SCTR: variants seen among roughly 807,000 people sequenced by gnomAD.
SCTR encodes the protein secretin receptor, also known as pancreatic secretin receptor.
In SCTR, 56 loss-of-function variants were observed where a neutral mutation model predicts 60.8. The observed-to-expected ratio is 0.92, with a 90% CI of 0.74 to 1.15. The LOEUF is 1.15. SCTR is among the 50% of genes most tolerant of loss of function. SCTR has a pLI of 0.00. For missense variants in SCTR, 562 were observed against 550.4 expected (o/e 1.02, Z -0.21); for synonymous variants, 202 against 217.0 (o/e 0.93, Z 0.61).
chr2:119,498,446 A>C (rs1051205292), intron 1 of SCTR, among the ~76,000 whole-genome samples: 2 of 152,194 alleles, frequency 1.3e-5, no homozygotes, highest in Non-Finnish European at 2.9e-5. Context: ...CACAGTAAGC[A>C]AAAATGTGGG....
At chr2:119,519,810 CAA>C (rs71396064) in intron 1 of SCTR, among the ~76,000 whole-genome samples, 55 of 58,256 alleles carry the variant, frequency 9.4e-4, no homozygotes, top group Middle Eastern at 0.011. Flanking sequence ...GACTCTGTCT[CAA>C]AAAAAAAAAA....
chr2:119,505,328 G>T (rs1294476624), intron 1 of SCTR, among the ~76,000 whole-genome samples: 4 of 138,504 alleles, frequency 2.9e-5, no homozygotes, highest in African/African-American at 1.1e-4. Flanking sequence ...GTTGTGTGGT[G>T]GGGGGAGGGG....
chr2:119,478,622 C>T (rs1163718198), intron 3 of SCTR, among the ~76,000 whole-genome samples, 189 bp downstream of exon 3: 1 of 152,260 alleles, frequency 6.6e-6, no homozygotes, highest in East Asian at 1.9e-4. Context: ...CCTTGCTTGA[C>T]ACCCTCAGAA....
At chr2:119,474,567 G>C (rs1251806152) in intron 3 of SCTR, among the ~76,000 whole-genome samples, 1 of 152,172 alleles carries the variant, frequency 6.6e-6, no homozygotes, top group African/African-American at 2.4e-5. Flanking sequence ...CCTGTGGGTA[G>C]GAGCCCTGCC....
At chr2:119,492,300 A>C (rs1395372625) in intron 2 of SCTR, among the ~76,000 whole-genome samples, 1 of 152,248 alleles carries the variant, frequency 6.6e-6, no homozygotes, top group South Asian at 2.1e-4. Flanking sequence ...CCAGTGTATC[A>C]GGCTCCTGCC....
intron 1 of SCTR, among the ~76,000 whole-genome samples, chr2:119,516,478 T>C (rs1679119982): frequency 6.6e-6 from 1 of 152,094 alleles, no homozygotes; most frequent in African/African-American, 2.4e-5. Context: ...AGAAAAATAC[T>C]GCATGATCTT....
intron 11 of SCTR, among the ~76,000 whole-genome samples, chr2:119,442,904 G>A (rs778027353): frequency 2.0e-5 from 3 of 152,088 alleles, no homozygotes; most frequent in Non-Finnish European, 4.4e-5. Flanking sequence ...GACTTGGATC[G>A]GAGCACAGCT....
chr2:119,479,006 G>A, intron 2 of SCTR, 88 bp from the exon 3 acceptor site: 2 of 1,564,654 alleles, frequency 1.3e-6, no homozygotes, highest in South Asian at 1.2e-5. Context: ...ACCCTTGCCT[G>A]CCTGGAATTC....
chr2:119,459,177 A>G (rs1452928060), intron 7 of SCTR, among the ~76,000 whole-genome samples: 1 of 152,242 alleles, frequency 6.6e-6, no homozygotes, highest in Non-Finnish European at 1.5e-5. Context: ...TCCAAACAAT[A>G]GGTATGTGGT....
chr2:119,441,740 T>C (rs949382097), intron 11 of SCTR, 141 bp from the exon 12 acceptor site: 1 of 734,922 alleles, frequency 1.4e-6, no homozygotes, highest in Non-Finnish European at 2.3e-6. Flanking sequence ...CACTGGGAAT[T>C]AGGCTACCTC....
At chr2:119,450,540 AC>A (rs1683122638) in intron 9 of SCTR, among the ~76,000 whole-genome samples, 2 of 148,026 alleles carry the variant, frequency 1.4e-5, no homozygotes, top group African/African-American at 4.9e-5. Context: ...AAACAAAAAA[AC>A]AAAAAAAAAA....
chr2:119,488,645 A>G (rs1015203140), intron 2 of SCTR, among the ~76,000 whole-genome samples: 1 of 152,208 alleles, frequency 6.6e-6, no homozygotes. Flanking sequence ...ACAGGTTCGC[A>G]GAAGAGGCGC....
At chr2:119,451,989 A>G (rs747326645) in intron 9 of SCTR, 21 bp downstream of exon 9, 4 of 1,488,166 alleles carry the variant, frequency 2.7e-6, no homozygotes, top group South Asian at 2.3e-5. Context: ...ATCCCCAGCT[A>G]GGGAGAGGAG....
intron 11 of SCTR, among the ~76,000 whole-genome samples, chr2:119,442,094 C>T (rs1207915618): frequency 6.6e-6 from 1 of 152,236 alleles, no homozygotes; most frequent in Non-Finnish European, 1.5e-5. Flanking sequence ...CAGGTCCCGG[C>T]CAGCCAGTGG....
At chr2:119,462,819 A>G (rs1683670156) in intron 6 of SCTR, among the ~76,000 whole-genome samples, 1 of 152,182 alleles carries the variant, frequency 6.6e-6, no homozygotes, top group South Asian at 2.1e-4. Flanking sequence ...TTCCTGCCTT[A>G]TGGCCTTCCC....
chr2:119,512,320 TCCC>T, intron 1 of SCTR, among the ~76,000 whole-genome samples: 1 of 57,638 alleles, frequency 1.7e-5, no homozygotes, highest in Non-Finnish European at 3.2e-5. Context: ...CCCTTCCCCT[TCCC>T]CTTCCCCTTC....
At chr2:119,462,517 C>G (rs1683653950) in intron 6 of SCTR, among the ~76,000 whole-genome samples, 1 of 152,244 alleles carries the variant, frequency 6.6e-6, no homozygotes, top group Admixed American at 6.5e-5. Flanking sequence ...ATTGCACTCT[C>G]CACATATCTG....
At chr2:119,485,010 G>C (rs926214426) in intron 2 of SCTR, among the ~76,000 whole-genome samples, 2 of 152,152 alleles carry the variant, frequency 1.3e-5, no homozygotes, top group Non-Finnish European at 2.9e-5. Flanking sequence ...CAGCCTTGCC[G>C]AGCCCATGCC....
At chr2:119,450,133 GAAGGAAGGAAGC>G (rs1455020500) in intron 9 of SCTR, among the ~76,000 whole-genome samples, 2 of 148,278 alleles carry the variant, frequency 1.3e-5, no homozygotes, top group African/African-American at 5.1e-5. Context: ...GGAAAGGAAG[GAAGGAAGGAAGC>G]AAGGAAGCAA....
Sources: allele counts gnomAD v4.1 joint callset (sites outside exome capture counted in the v4.1 genomes callset), GRCh38; gene constraint gnomAD v4.1.1; transcripts MANE v1.5; gene names NCBI Gene and HGNC (gene_info 2026-07-23, HGNC 2026-07-21).